Variants in KIRREL3 observed in about 807,000 individuals in gnomAD.
KIRREL3 encodes the protein kin of IRRE-like protein 3.
Under a neutral mutation model 89.7 loss-of-function variants are expected in KIRREL3, and 36 were observed. The observed-to-expected ratio is 0.40, with a 90% confidence interval of 0.31 to 0.53. KIRREL3 has a LOEUF of 0.53. KIRREL3 is among the 20% of genes least tolerant of loss of function. KIRREL3 has a pLI of 0.49. For missense variants in KIRREL3, 864 were observed against 1,056.6 expected, an observed-to-expected ratio of 0.82 and a Z score of 2.53; for synonymous variants, 445 against 441.4, an observed-to-expected ratio of 1.01 and a Z score of -0.10.
chr11:126,900,174 T>C lies in KIRREL3; in HGVS notation c.55+100281A>G, dbSNP rs1946319664. Among the ~76,000 whole-genome samples the C allele has an allele frequency of 6.6e-6, 1 of 152,226 alleles. No homozygotes were observed. Among genetic ancestry groups the C allele is most frequent in the Non-Finnish European group, 1.5e-5 (1 of 68,042 alleles). ...GTATCTGTTCCCATGTGTGTAAATA[T>C]ACAGCTCTCATGTGCCTAATTTATA... On this transcript the variant is annotated intron_variant, in intron 1 of 16. Coordinates refer to ENST00000525144, the MANE Select transcript of KIRREL3 (RefSeq NM_032531.4). This position sits in a 1 kb window ranked among gnomAD's most constrained non-coding sequence, Gnocchi z 4.4.
chr11:126,450,572 CATGTGTGCATGTGCAT>C (rs1288167482), intron 7 of KIRREL3, among the ~76,000 whole-genome samples: 5 of 126,892 alleles, frequency 3.9e-5, no homozygotes, highest in African/African-American at 1.5e-4. Context: ...TGTGCGTGTG[CATGTGTGCATGTGCAT>C]GTGTGCATGT....
Position 126,571,913 on chromosome 11 carries a change from G to T in KIRREL3, c.56-9001C>A, listed in dbSNP as rs1057337010. 6.6e-6 allele frequency among the ~76,000 whole-genome samples: 1 copy of T among 152,230 alleles called. No individual in the cohort carries two copies. The highest frequency in any genetic ancestry group is 1.5e-5 in the Non-Finnish European group (1 of 68,040). On this transcript the variant is annotated intron_variant, in intron 1 of 16. Coordinates refer to ENST00000525144, the MANE Select transcript of KIRREL3 (RefSeq NM_032531.4). This position sits in a 1 kb window ranked among gnomAD's most constrained non-coding sequence, Gnocchi z 7.7. ...TGGGGGAACAGAGAAATAGGATCAT[G>T]AAGGCCATTCCTGTCCTCCAGTCTG...
chr11:126,632,919 C>T (rs1465773572), intron 1 of KIRREL3, among the ~76,000 whole-genome samples: 1 of 150,984 alleles, frequency 6.6e-6, no homozygotes, highest in Non-Finnish European at 1.5e-5. Flanking sequence ...TGGTGAAACC[C>T]CTTCTTTACT....
chr11:126,686,540 T>C lies in KIRREL3; in HGVS notation c.56-123628A>G, dbSNP rs1946672516. ...GGGGAGGGTGGGGAGGGACTGTGCGTTCCTGCGCATGTTACCCTACACTGA... is the reference window on the plus strand; with the variant it reads ...GGGGAGGGTGGGGAGGGACTGTGCGCTCCTGCGCATGTTACCCTACACTGA... On this transcript the variant is annotated intron_variant, in intron 1 of 16. Coordinates refer to ENST00000525144, the MANE Select transcript of KIRREL3 (RefSeq NM_032531.4). This position sits in a 1 kb window ranked among gnomAD's most constrained non-coding sequence, Gnocchi z 4.7. 6.6e-6 allele frequency among the ~76,000 whole-genome samples: 1 copy of C among 152,112 alleles called. No homozygotes were observed. Among genetic ancestry groups the C allele is most frequent in the Non-Finnish European group, 1.5e-5 (1 of 68,022 alleles).
Position 126,449,037 on chromosome 11 carries a change from G to A in KIRREL3, c.969C>T (p.Thr323=). 6.2e-7 allele frequency: 1 copy of A among 1,613,158 alleles called. No homozygotes were observed. The highest frequency in any genetic ancestry group is 8.5e-7 in the Non-Finnish European group (1 of 1,179,214). ...SCEVTNALGS[T]NLSRTVDVYF... is the part of the protein sequence containing the mutation. Reference sequence around the variant, plus strand: ...AGACGTCAACCGTGCGGCTGAGGTTGGTGCTGCCCAGGGCGTTGGTCACCT... The same window carrying A: ...AGACGTCAACCGTGCGGCTGAGGTTAGTGCTGCCCAGGGCGTTGGTCACCT... The change falls in exon 8 of 17, where the codon ACC becomes ACT. Residue 323 remains threonine (T), a synonymous_variant. Transcript: ENST00000525144.
At chr11:126,986,176 G>T (rs1369810533) in intron 1 of KIRREL3, among the ~76,000 whole-genome samples, 1 of 152,094 alleles carries the variant, frequency 6.6e-6, no homozygotes, top group Admixed American at 6.5e-5. Flanking sequence ...TTGGTTGCTG[G>T]GTTCATCAGC....
At chr11:126,482,628 C>A (rs148438732) in intron 4 of KIRREL3, among the ~76,000 whole-genome samples, 30 of 152,312 alleles carry the variant, frequency 2.0e-4, no homozygotes, top group African/African-American at 7.0e-4. Flanking sequence ...AGGCGATAGA[C>A]GGGCAGGGGA....
Position 126,704,820 on chromosome 11 carries a change from T to C in KIRREL3, c.56-141908A>G, listed in dbSNP as rs1162825748. Among the ~76,000 whole-genome samples, 1 of 152,112 alleles carries C rather than the reference T, an allele frequency of 6.6e-6. No homozygotes were observed. The highest frequency in any genetic ancestry group is 6.5e-5 in the Admixed American group (1 of 15,272). Reference sequence around the variant, plus strand: ...TTGGTGACAAAACAAGCTGGGGGGCTCCTAAAGGAAGATACTGGGATTCTC... The same window carrying C: ...TTGGTGACAAAACAAGCTGGGGGGCCCCTAAAGGAAGATACTGGGATTCTC... On this transcript the variant is annotated intron_variant, in intron 1 of 16. Transcript: ENST00000525144. This position sits in a 1 kb window ranked among gnomAD's most constrained non-coding sequence, Gnocchi z 4.2.
intron 1 of KIRREL3, among the ~76,000 whole-genome samples, chr11:126,858,526 T>G (rs953596439): frequency 6.6e-6 from 1 of 152,128 alleles, no homozygotes; most frequent in Non-Finnish European, 1.5e-5. Flanking sequence ...TGTCTCTTTT[T>G]CTCCTCTCTC....
At chr11:126,529,568 A>C (rs1349292784) in intron 2 of KIRREL3, among the ~76,000 whole-genome samples, 3 of 150,604 alleles carry the variant, frequency 2.0e-5, no homozygotes, top group Non-Finnish European at 4.4e-5. Flanking sequence ...GCCCCACTGC[A>C]CTACAGACTA....
rs915251043 is a variant in KIRREL3, at chr11:126,973,168, G to A, written c.55+27287C>T. Among the ~76,000 whole-genome samples the A allele has an allele frequency of 4.8e-4, 47 of 97,770 alleles. 1 individual carries two copies. The Admixed American group carries it at 4.8e-3, about 10-fold the overall frequency. The allele number at this position is 97,770 out of a possible 152,430, so 64.1% of individuals were successfully genotyped here. A position where few individuals can be genotyped will look rare whatever the true frequency, so the allele number is the denominator to read the frequency against. ...CAATCTGCATGAGCATGTTAGTCAC[G>A]GGTTTCTGAATAACAGGCTGAATGG... On this transcript the variant is annotated intron_variant, in intron 1 of 16. Transcript: ENST00000525144.
Position 126,431,211 on chromosome 11 carries a change from C to T in KIRREL3, c.1696+208G>A, listed in dbSNP as rs914455503. ...AGATGAAGTTCAGTCTAGTCCAGGT[C>T]AACCTCAGCCTAGCGCCCACTCTGC... is the stretch of plus-strand genomic sequence containing the variant. On this transcript the variant is annotated intron_variant, in intron 14 of 16. Transcript: ENST00000525144. This position sits in a 1 kb window ranked among gnomAD's most constrained non-coding sequence, Gnocchi z 7.1. 6.4e-5 allele frequency: 96 copies of T among 1,494,650 alleles called. No individual in the cohort carries two copies. Among genetic ancestry groups the T allele is most frequent in the Non-Finnish European group, 7.6e-5 (85 of 1,117,600 alleles). The allele number at this position is 1,494,650 out of a possible 1,614,324, so 92.6% of individuals were successfully genotyped here.
chr11:126,745,496 A>AGAAAAAC (rs59386372), intron 1 of KIRREL3, among the ~76,000 whole-genome samples: 1 of 2,288 alleles, frequency 4.4e-4, no homozygotes, highest in African/African-American at 3.6e-3. Context: ...ACAGAAAAAC[A>AGAAAAAC]AAAAAAAAAA....
chr11:126,489,244 G>A lies in KIRREL3; in HGVS notation c.434-15778C>T, dbSNP rs1362015489. Among the ~76,000 whole-genome samples, 2 of 152,272 alleles carry A rather than the reference G, an allele frequency of 1.3e-5. No individual in the cohort carries two copies. Among genetic ancestry groups the A allele is most frequent in the East Asian group, 1.9e-4 (1 of 5,166 alleles). On this transcript the variant is annotated intron_variant, in intron 4 of 16. Transcript: ENST00000525144. The surrounding 1 kb of genome is among the most constrained non-coding windows in gnomAD (Gnocchi z 5.5). ...CTGGCTGGACCCGGGTGCCTGGCTC[G>A]ATGGGAGCTTCCTAAGGGAAGCAGC...
In KIRREL3 at chr11:126,905,520, C is replaced by T. The variant is rs1186447772; in HGVS notation, c.55+94935G>A. Among the ~76,000 whole-genome samples the T allele has an allele frequency of 2.0e-5, 3 of 152,108 alleles. No homozygotes were observed. The highest frequency in any genetic ancestry group is 1.9e-4 in the East Asian group (1 of 5,186). On this transcript the variant is annotated intron_variant, in intron 1 of 16. Transcript: ENST00000525144. This position sits in a 1 kb window ranked among gnomAD's most constrained non-coding sequence, Gnocchi z 5.0. ...GCAATTTGTGGCATTTACTGTTCAT[C>T]GCTCAGGGGTCAGAGGGTGGGGAGA...
rs1294371572 is a variant in KIRREL3 at position 126,766,370 on chromosome 11, GA to G, written c.56-203459del. Among the ~76,000 whole-genome samples, 1 of 152,056 alleles carries G rather than the reference GA, an allele frequency of 6.6e-6. No individual in the cohort carries two copies. The highest frequency in any genetic ancestry group is 1.5e-5 in the Non-Finnish European group (1 of 67,996). ...AGAACACTCACTCCTACGCGGAGAA[GA>G]AAAAACTTGGGGAGAGAGGGGTAGA... On this transcript the variant is annotated intron_variant, in intron 1 of 16. Transcript: ENST00000525144. This position sits in a 1 kb window ranked among gnomAD's most constrained non-coding sequence, Gnocchi z 4.2.
chr11:126,855,375 G>A (rs1474285508), intron 1 of KIRREL3, among the ~76,000 whole-genome samples: 6 of 152,088 alleles, frequency 3.9e-5, no homozygotes, highest in Non-Finnish European at 5.9e-5. Context: ...CATCTAAGAC[G>A]TGCCTACTTT....
chr11:126,949,839 G>T (rs1948727171), intron 1 of KIRREL3, among the ~76,000 whole-genome samples: 1 of 152,208 alleles, frequency 6.6e-6, no homozygotes, highest in Admixed American at 6.5e-5. Context: ...TGCATCAACA[G>T]ATGCATACAC....
intron 1 of KIRREL3, among the ~76,000 whole-genome samples, chr11:126,825,015 A>G (rs4469899): frequency 0.86 from 131,411 of 152,202 alleles, 57,080 homozygotes; most frequent in East Asian, 1. Context: ...ATGGGAGACA[A>G]TTTGACTGAT....
Sources: allele counts gnomAD v4.1 joint callset (sites outside exome capture counted in the v4.1 genomes callset), GRCh38; gene constraint gnomAD v4.1.1; non-coding constraint Gnocchi (gnomAD v3.1); transcripts MANE v1.5; gene names NCBI Gene and HGNC (gene_info 2026-07-23, HGNC 2026-07-21).